FAM168A: variants seen among roughly 807,000 people sequenced by gnomAD.
The protein encoded by FAM168A is family with sequence similarity 168 member A, also known as protein FAM168A.
In FAM168A, 3 loss-of-function variants were observed where a neutral mutation model predicts 28.5. The ratio of observed to expected loss-of-function variants is 0.11; its 90% CI spans 0.05 to 0.27. FAM168A has a LOEUF of 0.27. Among genes scored for constraint, FAM168A ranks in the 10% least tolerant of loss-of-function variants. The pLI is 1.00. For missense variants in FAM168A, 222 were observed against 311.5 expected, an observed-to-expected ratio of 0.71 and a Z score of 2.16; for synonymous variants, 122 against 124.2, an observed-to-expected ratio of 0.98 and a Z score of 0.12.
chr11:73,408,952 T>G (rs1281515396), intron 6 of FAM168A, among the ~76,000 whole-genome samples: 2 of 151,934 alleles, frequency 1.3e-5, no homozygotes, highest in African/African-American at 4.8e-5. Context: ...ATCATCTCTC[T>G]CCCCTAAAGT....
chr11:73,415,039 C>A (rs1243801605), intron 4 of FAM168A, among the ~76,000 whole-genome samples: 3 of 152,218 alleles, frequency 2.0e-5, no homozygotes, highest in Non-Finnish European at 4.4e-5. Flanking sequence ...GTGAGACTAT[C>A]CCTCTGAGGA....
chr11:73,456,194 C>T (rs986144022), intron 2 of FAM168A, among the ~76,000 whole-genome samples: 3 of 152,188 alleles, frequency 2.0e-5, no homozygotes, highest in African/African-American at 7.2e-5. Context: ...ACCAGCACCC[C>T]TGGAGGGTGG....
intron 2 of FAM168A, among the ~76,000 whole-genome samples, chr11:73,440,567 C>T (rs1867175479): frequency 6.6e-6 from 1 of 152,150 alleles, no homozygotes; most frequent in African/African-American, 2.4e-5. Context: ...GAGATGGAGG[C>T]TGCAGTGAGC....
intron 1 of FAM168A, among the ~76,000 whole-genome samples, chr11:73,474,543 C>T (rs543127932): frequency 2.6e-4 from 40 of 152,256 alleles, no homozygotes; most frequent in Non-Finnish European, 5.1e-4. Flanking sequence ...GCCCCCAGAA[C>T]CTAATTGCCT....
intron 2 of FAM168A, among the ~76,000 whole-genome samples, chr11:73,453,872 A>G (rs1565252089): frequency 6.6e-6 from 1 of 152,246 alleles, no homozygotes; most frequent in Non-Finnish European, 1.5e-5. Flanking sequence ...CACAAAAATT[A>G]TATCACCATT....
intron 1 of FAM168A, among the ~76,000 whole-genome samples, chr11:73,573,250 G>A (rs564768059): frequency 3.9e-5 from 6 of 152,164 alleles, no homozygotes; most frequent in Non-Finnish European, 7.4e-5. Flanking sequence ...ACTCCTAGAA[G>A]GCTTAAAACC....
chr11:73,415,265 C>T (rs953954173), intron 4 of FAM168A, among the ~76,000 whole-genome samples: 31 of 152,236 alleles, frequency 2.0e-4, no homozygotes, highest in Admixed American at 1.9e-3. Context: ...AGAAGCAGAA[C>T]TGCAGAGCTA....
At chr11:73,502,415 G>A (rs1362247211) in intron 1 of FAM168A, among the ~76,000 whole-genome samples, 1 of 152,050 alleles carries the variant, frequency 6.6e-6, no homozygotes, top group Non-Finnish European at 1.5e-5. Flanking sequence ...TAAATTCCTG[G>A]ACACATATAC....
At chr11:73,533,076 A>G (rs1489083558) in intron 1 of FAM168A, among the ~76,000 whole-genome samples, 1 of 152,212 alleles carries the variant, frequency 6.6e-6, no homozygotes, top group Non-Finnish European at 1.5e-5. Context: ...GTAAGGTTCG[A>G]ATCAGACAAC....
At chr11:73,480,998 TG>T (rs1446018382) in intron 1 of FAM168A, among the ~76,000 whole-genome samples, 1 of 152,238 alleles carries the variant, frequency 6.6e-6, no homozygotes, top group East Asian at 1.9e-4. Context: ...CATGCTGTTT[TG>T]TTTTTAATAC....
At chr11:73,414,073 T>C (rs1866660402) in intron 4 of FAM168A, among the ~76,000 whole-genome samples, 1 of 152,044 alleles carries the variant, frequency 6.6e-6, no homozygotes, top group Admixed American at 6.6e-5. Context: ...TTAAAGAAGG[T>C]GGGGAGGTGA....
intron 6 of FAM168A, 33 bp from the exon 7 acceptor site, chr11:73,407,676 G>A (rs767341865): frequency 1.2e-5 from 18 of 1,557,580 alleles, no homozygotes; most frequent in East Asian, 1.1e-4. Flanking sequence ...GTAACCTGAC[G>A]AGGCTGCACC....
At position 73,405,316 on chromosome 11, in the gene FAM168A, C is replaced by T. The variant is rs12290835; in HGVS notation, c.*1447G>A. Reference sequence around the variant, plus strand: ...ATGTAGCCTCTGCCCAGTCTTCAACCCCCGCCTTTGGAGTCCGTGGAGGAA... The same window carrying T: ...ATGTAGCCTCTGCCCAGTCTTCAACTCCCGCCTTTGGAGTCCGTGGAGGAA... On this transcript the variant is annotated 3_prime_UTR_variant, in exon 8 of 8. Transcript: ENST00000356467. The T allele has an allele frequency of 0.048, 7,251 of 152,282 alleles. 540 individuals are homozygous for T. The highest frequency in any genetic ancestry group is 0.16 in the African/African-American group (6,624 of 41,504). 9.4% of individuals were successfully genotyped at this position (152,282 alleles called of 1,614,324 possible).
At chr11:73,484,513 TATAG>T (rs201186026) in intron 1 of FAM168A, among the ~76,000 whole-genome samples, 7,649 of 131,390 alleles carry the variant, frequency 0.058, 638 homozygotes, top group African/African-American at 0.21. Context: ...GAGAGATATA[TATAG>T]ATATATATAT....
chr11:73,536,950 T>C (rs1943590420), intron 1 of FAM168A, among the ~76,000 whole-genome samples: 1 of 152,200 alleles, frequency 6.6e-6, no homozygotes, highest in South Asian at 2.1e-4. Flanking sequence ...TGCATCACTG[T>C]GTTTACTAAT....
rs974954495 is a variant in FAM168A, at chr11:73,557,124, A to T, written c.-19+40799T>A. On this transcript the variant is annotated intron_variant, in intron 1 of 7. Coordinates refer to ENST00000356467, the MANE Select transcript of FAM168A (RefSeq NM_015159.3). ...TGTTGATGGATGAATGGATCAAAAAAATGTGGTATATACATACAATGGAGT... is the reference window on the plus strand; with the variant it reads ...TGTTGATGGATGAATGGATCAAAAATATGTGGTATATACATACAATGGAGT... Among the ~76,000 whole-genome samples, 7 of 152,218 alleles carry T rather than the reference A, an allele frequency of 4.6e-5. No individual in the cohort carries two copies. In the South Asian group the frequency reaches 1.2e-3, roughly 27 times the overall value.
intron 1 of FAM168A, among the ~76,000 whole-genome samples, chr11:73,525,395 T>G (rs1436409331): frequency 6.6e-6 from 1 of 152,166 alleles, no homozygotes; most frequent in Admixed American, 6.5e-5. Context: ...AGATTAAGTT[T>G]GACTACCTAT....
rs34994742 is a variant in FAM168A at position 73,433,076 on chromosome 11, C to CTTTTTTTTTTT, written c.71-2317_71-2307dup. 7.6e-4 allele frequency among the ~76,000 whole-genome samples: 61 copies of CTTTTTTTTTTT among 80,604 alleles called. 4 individuals carry two copies. Among genetic ancestry groups the CTTTTTTTTTTT allele is most frequent in the African/African-American group, 3.8e-3 (56 of 14,702 alleles). 52.9% of individuals were successfully genotyped at this position (80,604 alleles called of 152,430 possible). A position where few individuals can be genotyped will look rare whatever the true frequency, so the allele number is the denominator to read the frequency against. ...ACAGGTGCGTGCCACCACGCCCCGC[C>CTTTTTTTTTTT]TTTTTTTTTTTTTTTTTTTTTTTTT... On this transcript the variant is annotated intron_variant, in intron 2 of 7. Coordinates refer to ENST00000356467, the MANE Select transcript of FAM168A (RefSeq NM_015159.3).
chr11:73,585,936 C>T (rs1037142518), intron 1 of FAM168A, among the ~76,000 whole-genome samples: 1 of 151,346 alleles, frequency 6.6e-6, no homozygotes, highest in African/African-American at 2.4e-5. Context: ...TGACCAGATC[C>T]TAGTGTGCAA....
Sources: allele counts gnomAD v4.1 joint callset (sites outside exome capture counted in the v4.1 genomes callset), GRCh38; gene constraint gnomAD v4.1.1; transcripts MANE v1.5; gene names NCBI Gene and HGNC (gene_info 2026-07-23, HGNC 2026-07-21).